Variants in CADM2 observed in about 807,000 individuals in gnomAD.
CADM2 encodes the protein cell adhesion molecule 2.
A neutral mutation model predicts 49.8 loss-of-function variants in CADM2; 12 were observed. The ratio of observed to expected loss-of-function variants is 0.24; its 90% confidence interval spans 0.15 to 0.39. The LOEUF is 0.39. CADM2 is among the 10% of genes least tolerant of loss of function. The probability of loss-of-function intolerance (pLI) is 1.00; values close to 1 mark genes in which losing one functional copy is unlikely to be tolerated. For missense variants in CADM2, 378 were observed against 492.3 expected (o/e 0.77, Z 2.20); for synonymous variants, 214 against 175.4 (o/e 1.22, Z -1.74).
intron 8 of CADM2, among the ~76,000 whole-genome samples, chr3:85,988,733 C>G (rs1559785464): frequency 2.0e-5 from 3 of 152,222 alleles, no homozygotes; most frequent in South Asian, 2.1e-4. Flanking sequence ...GAATTCTGTT[C>G]AAATGGTTCA....
intron 5 of CADM2, among the ~76,000 whole-genome samples, chr3:85,894,492 A>T (rs1352992021): frequency 1.3e-5 from 2 of 151,974 alleles, no homozygotes; most frequent in Non-Finnish European, 2.9e-5. Context: ...AACTTAAAGT[A>T]TAAAAAAAAA....
chr3:84,998,266 C>A (rs989399445), intron 1 of CADM2, among the ~76,000 whole-genome samples: 1 of 152,044 alleles, frequency 6.6e-6, no homozygotes, highest in Admixed American at 6.6e-5. Flanking sequence ...ATTAGAATGG[C>A]TTTATAAACA....
At chr3:85,946,456 G>T (rs574172714) in intron 7 of CADM2, among the ~76,000 whole-genome samples, 38 of 152,170 alleles carry the variant, frequency 2.5e-4, no homozygotes, top group African/African-American at 8.4e-4. Flanking sequence ...AACCAAAAAA[G>T]AGCCCGCATC....
chr3:85,161,063 A>G (rs2040307005), intron 1 of CADM2, among the ~76,000 whole-genome samples: 1 of 152,136 alleles, frequency 6.6e-6, no homozygotes, highest in African/African-American at 2.4e-5. Flanking sequence ...AAGATGAACT[A>G]TTTGTTCTAT....
At chr3:85,854,224 A>G (rs916583252) in intron 3 of CADM2, among the ~76,000 whole-genome samples, 5 of 152,186 alleles carry the variant, frequency 3.3e-5, no homozygotes, top group Non-Finnish European at 7.3e-5. Context: ...AAAAGTGCTT[A>G]TAAAAATAAT....
At chr3:85,531,913 C>T (rs1482211414) in intron 1 of CADM2, among the ~76,000 whole-genome samples, 1 of 152,126 alleles carries the variant, frequency 6.6e-6, no homozygotes, top group Non-Finnish European at 1.5e-5. Context: ...TGCGGTGGCT[C>T]ACGCCTGTAA....
intron 1 of CADM2, among the ~76,000 whole-genome samples, chr3:85,107,635 C>T (rs59638390): frequency 2.9e-3 from 396 of 137,114 alleles, no homozygotes; most frequent in African/African-American, 0.01. Context: ...CTTTCTTTTT[C>T]TTTCTTTCTT....
intron 8 of CADM2, among the ~76,000 whole-genome samples, chr3:86,045,977 C>A (rs1185250984): frequency 6.6e-6 from 1 of 152,044 alleles, no homozygotes; most frequent in Non-Finnish European, 1.5e-5. Context: ...TCATTTTTAA[C>A]CATTATGACA....
chr3:85,614,666 G>A (rs1274839650), intron 1 of CADM2, among the ~76,000 whole-genome samples: 1 of 151,790 alleles, frequency 6.6e-6, no homozygotes, highest in African/African-American at 2.4e-5. Context: ...ATGCACTAAT[G>A]ACTTGTTCAT....
intron 1 of CADM2, among the ~76,000 whole-genome samples, chr3:85,347,176 C>T (rs1176152184): frequency 2.4e-5 from 3 of 127,152 alleles, no homozygotes; most frequent in Non-Finnish European, 3.1e-5. Context: ...GAGCTAAGAT[C>T]GTGCCATTGC....
At position 85,530,907 on chromosome 3, in the gene CADM2, CACACACAA is replaced by C. The variant is rs1488006418; in HGVS notation, c.62-195613_62-195606del. On this transcript the variant is annotated intron_variant, in intron 1 of 9. Coordinates refer to ENST00000383699, the MANE Select transcript of CADM2 (RefSeq NM_001167675.2). ...ACACACACACACACACACACACACACACACACAAAATTCATTATTGTGGAATGTCAGGG... is the reference window on the plus strand; with the variant it reads ...ACACACACACACACACACACACACACAATTCATTATTGTGGAATGTCAGGG... Among the ~76,000 whole-genome samples the C allele has an allele frequency of 8.0e-3, 1,060 of 131,884 alleles. 7 individuals are homozygous for C. The highest frequency in any genetic ancestry group is 0.021 in the African/African-American group (578 of 26,902). 86.5% of individuals were successfully genotyped at this position (131,884 alleles called of 152,430 possible).
chr3:85,575,369 G>T (rs1417869104), intron 1 of CADM2, among the ~76,000 whole-genome samples: 1 of 152,068 alleles, frequency 6.6e-6, no homozygotes, highest in South Asian at 2.1e-4. Context: ...AGCTAACATG[G>T]TGAAACCCCA....
At chr3:85,009,515 C>T (rs927207245) in intron 1 of CADM2, among the ~76,000 whole-genome samples, 2 of 152,120 alleles carry the variant, frequency 1.3e-5, no homozygotes, top group African/African-American at 4.8e-5. Flanking sequence ...TATATTATTG[C>T]ATTTTTGAAT....
chr3:85,615,781 A>C (rs1036066476), intron 1 of CADM2, among the ~76,000 whole-genome samples: 9 of 151,810 alleles, frequency 5.9e-5, no homozygotes, highest in Non-Finnish European at 1.3e-4. Flanking sequence ...CACAGATTCT[A>C]AAAGTCCTTA....
At chr3:85,552,999 A>G (rs1450547351) in intron 1 of CADM2, among the ~76,000 whole-genome samples, 5 of 152,090 alleles carry the variant, frequency 3.3e-5, no homozygotes, top group Non-Finnish European at 4.4e-5. Context: ...TTTTAAAAAT[A>G]TTTTTAAGTT....
chr3:85,988,910 T>C (rs1282577653), intron 8 of CADM2, among the ~76,000 whole-genome samples: 1 of 152,160 alleles, frequency 6.6e-6, no homozygotes, highest in Non-Finnish European at 1.5e-5. Flanking sequence ...TGAACTAACA[T>C]GAAATTACAT....
At chr3:85,690,122 A>C (rs2066338151) in intron 1 of CADM2, among the ~76,000 whole-genome samples, 1 of 152,180 alleles carries the variant, frequency 6.6e-6, no homozygotes, top group African/African-American at 2.4e-5. Context: ...GAGATAGTAC[A>C]GCCTTCTCCG....
Position 85,841,975 on chromosome 3 carries a change from T to C in CADM2, c.238+39779T>C, listed in dbSNP as rs563691497. Among the ~76,000 whole-genome samples, 62 of 152,224 alleles carry C rather than the reference T, an allele frequency of 4.1e-4. 1 individual carries two copies. The highest frequency in any genetic ancestry group is 1.3e-3 in the African/African-American group (56 of 41,568). On this transcript the variant is annotated intron_variant, in intron 3 of 9. Transcript: ENST00000383699. ...GTTTCTGTCTTGTAACTAATTTTAATGTATTTTTATTTTCTATAACAAACC... is the reference window on the plus strand; with the variant it reads ...GTTTCTGTCTTGTAACTAATTTTAACGTATTTTTATTTTCTATAACAAACC...
At chr3:85,758,107 T>A (rs2069203549) in intron 2 of CADM2, among the ~76,000 whole-genome samples, 1 of 152,146 alleles carries the variant, frequency 6.6e-6, no homozygotes, top group Non-Finnish European at 1.5e-5. Context: ...GACAGGGATA[T>A]ATATAAGCTG....
Sources: allele counts gnomAD v4.1 joint callset (sites outside exome capture counted in the v4.1 genomes callset), GRCh38; gene constraint gnomAD v4.1.1; transcripts MANE v1.5; gene names NCBI Gene and HGNC (gene_info 2026-07-23, HGNC 2026-07-21).